Variants in WDR72 observed in about 807,000 individuals in gnomAD.
WDR72 encodes the protein WD repeat-containing protein 72.
WDR72 carries 120 observed loss-of-function variants against 124.2 expected under a neutral mutation model. That is an observed-to-expected ratio of 0.97 (90% CI 0.83 to 1.12). WDR72 has a LOEUF of 1.12. Among genes scored for constraint, WDR72 ranks in the 50% most tolerant of loss-of-function variants. The pLI is 0.00. For missense variants in WDR72, 1,387 were observed against 1,278.8 expected (o/e 1.08, Z -1.29); for synonymous variants, 452 against 441.7 (o/e 1.02, Z -0.29).
intron 14 of WDR72, among the ~76,000 whole-genome samples, chr15:53,648,567 A>G (rs2015123432): frequency 6.6e-6 from 1 of 152,120 alleles, no homozygotes; most frequent in Non-Finnish European, 1.5e-5. Flanking sequence ...TAAGTAGACC[A>G]AAGGACAAAT....
At chr15:53,683,788 A>AT (rs1037495936) in intron 13 of WDR72, among the ~76,000 whole-genome samples, 27 of 152,152 alleles carry the variant, frequency 1.8e-4, no homozygotes, top group African/African-American at 5.5e-4. Flanking sequence ...ATATGGTCTG[A>AT]TTTTTTAAAA....
chr15:53,570,512 T>C (rs1177341321), intron 18 of WDR72, among the ~76,000 whole-genome samples: 1 of 152,072 alleles, frequency 6.6e-6, no homozygotes, highest in Non-Finnish European at 1.5e-5. Context: ...CCATCAGAGA[T>C]GCAAATCAAA....
chr15:53,760,250 C>G (rs1396247238), upstream of WDR72, among the ~76,000 whole-genome samples: 1 of 151,994 alleles, frequency 6.6e-6, no homozygotes, highest in Non-Finnish European at 1.5e-5. Flanking sequence ...TGTTGTGCCA[C>G]CAAATAGTAG....
chr15:53,755,052 TAGG>T (rs1300873938), intron 1 of WDR72, among the ~76,000 whole-genome samples: 1 of 152,158 alleles, frequency 6.6e-6, no homozygotes, highest in Non-Finnish European at 1.5e-5. Flanking sequence ...GCAGTGAAAA[TAGG>T]AGCTACTCAG....
chr15:53,582,616 A>G (rs2011990291), intron 18 of WDR72, among the ~76,000 whole-genome samples: 1 of 152,016 alleles, frequency 6.6e-6, no homozygotes, highest in Admixed American at 6.6e-5. Flanking sequence ...ACCCACTTTA[A>G]TTGAATATTT....
At chr15:53,533,576 C>A (rs1362469547) in intron 18 of WDR72, among the ~76,000 whole-genome samples, 1 of 152,134 alleles carries the variant, frequency 6.6e-6, no homozygotes, top group Non-Finnish European at 1.5e-5. Context: ...GATTCTGGAG[C>A]CATGGATTTC....
rs75659007 is a variant in WDR72 at position 53,672,814 on chromosome 15, T to C, written c.1766-7046A>G. Reference sequence around the variant, plus strand: ...TCCTTGAAATTTGTGCATAATTTTATTATTTGCTGTCTTCTACTTAAATAT... The same window carrying C: ...TCCTTGAAATTTGTGCATAATTTTACTATTTGCTGTCTTCTACTTAAATAT... On this transcript the variant is annotated intron_variant, in intron 13 of 19. Coordinates refer to ENST00000360509, the MANE Select transcript of WDR72 (RefSeq NM_182758.4). Among the ~76,000 whole-genome samples, 156 of 152,358 alleles carry C rather than the reference T, an allele frequency of 1.0e-3. 4 individuals carry two copies. The East Asian group carries it at 0.027, about 27-fold the overall frequency.
chr15:53,687,966 T>C (rs1172177395), intron 13 of WDR72, among the ~76,000 whole-genome samples: 4 of 147,842 alleles, frequency 2.7e-5, no homozygotes, highest in African/African-American at 2.5e-5. Flanking sequence ...AAAAACCACA[T>C]GATTATCTCA....
At chr15:53,739,876 G>A (rs2018461350) in intron 1 of WDR72, among the ~76,000 whole-genome samples, 1 of 152,152 alleles carries the variant, frequency 6.6e-6, no homozygotes, top group East Asian at 1.9e-4. Context: ...GTGCACTTTG[G>A]CTCTTGTCCA....
At chr15:53,618,859 T>C (rs2013873313) in intron 14 of WDR72, among the ~76,000 whole-genome samples, 1 of 152,092 alleles carries the variant, frequency 6.6e-6, no homozygotes, top group Non-Finnish European at 1.5e-5. Flanking sequence ...ATTATCCCCT[T>C]ATGGGACTCT....
chr15:53,702,633 G>T (rs947142116), intron 11 of WDR72, among the ~76,000 whole-genome samples: 1 of 152,088 alleles, frequency 6.6e-6, no homozygotes, highest in Non-Finnish European at 1.5e-5. Flanking sequence ...AGCAGTTTGG[G>T]AGGCCAGGAT....
At chr15:53,647,324 C>A (rs745529967) in intron 14 of WDR72, among the ~76,000 whole-genome samples, 1 of 151,912 alleles carries the variant, frequency 6.6e-6, no homozygotes, top group Non-Finnish European at 1.5e-5. Context: ...TTAAAAATAG[C>A]CTTTCCTATA....
chr15:53,718,773 T>C (rs1350141525), intron 3 of WDR72, among the ~76,000 whole-genome samples: 1 of 84,766 alleles, frequency 1.2e-5, no homozygotes, highest in Non-Finnish European at 3.9e-5. Context: ...ATTTTAAGAA[T>C]TTTAAAAATC....
intron 18 of WDR72, among the ~76,000 whole-genome samples, chr15:53,554,075 T>G (rs1893836066): frequency 6.6e-6 from 1 of 152,128 alleles, no homozygotes; most frequent in South Asian, 2.1e-4. Flanking sequence ...TTGTGTTTAC[T>G]TGGTATTCTT....
At chr15:53,546,919 T>G (rs1307875099) in intron 18 of WDR72, among the ~76,000 whole-genome samples, 1 of 152,164 alleles carries the variant, frequency 6.6e-6, no homozygotes, top group Non-Finnish European at 1.5e-5. Flanking sequence ...TCTGGAAAAC[T>G]TGGTAGTGAT....
intron 13 of WDR72, among the ~76,000 whole-genome samples, chr15:53,676,986 T>A (rs2016195637): frequency 6.7e-6 from 1 of 149,676 alleles, no homozygotes. Flanking sequence ...AGTGGCACCA[T>A]CTCGGCTCAC....
chr15:53,686,998 G>A (rs1240467004), intron 13 of WDR72, among the ~76,000 whole-genome samples: 1 of 151,236 alleles, frequency 6.6e-6, no homozygotes, highest in Non-Finnish European at 1.5e-5. Context: ...AAATAAACAT[G>A]TTCTTTGAAA....
At chr15:53,743,604 G>T (rs2018565656) in intron 1 of WDR72, among the ~76,000 whole-genome samples, 1 of 152,140 alleles carries the variant, frequency 6.6e-6, no homozygotes, top group Non-Finnish European at 1.5e-5. Context: ...AAAGCCATAT[G>T]CAATGTTCCA....
At chr15:53,694,386 G>A (rs1595855929) in intron 13 of WDR72, among the ~76,000 whole-genome samples, 2 of 152,228 alleles carry the variant, frequency 1.3e-5, no homozygotes, top group African/African-American at 4.8e-5. Flanking sequence ...GCCACGAACA[G>A]CCTCCCCACT....
Sources: allele counts gnomAD v4.1 joint callset (sites outside exome capture counted in the v4.1 genomes callset), GRCh38; gene constraint gnomAD v4.1.1; transcripts MANE v1.5; gene names NCBI Gene and HGNC (gene_info 2026-07-23, HGNC 2026-07-21).